Variants in SGK1 observed in about 807,000 individuals in gnomAD.
The protein encoded by SGK1 is serum/glucocorticoid regulated kinase 1.
A neutral mutation model predicts 64.2 loss-of-function variants in SGK1; 26 were observed. That is an observed-to-expected ratio of 0.40 (90% CI 0.30 to 0.56). The LOEUF (loss-of-function observed/expected upper bound fraction) is 0.56. Ranked by LOEUF, SGK1 falls within the 20% of genes least tolerant of loss-of-function variation. The pLI, the probability that SGK1 is intolerant of heterozygous loss-of-function variation, is 0.38. For missense variants in SGK1, 519 were observed against 645.6 expected (o/e 0.80, Z 2.12); for synonymous variants, 265 against 239.7 (o/e 1.11, Z -0.98).
At chr6:134,179,573 G>T (rs1229633297) in intron 3 of SGK1, among the ~76,000 whole-genome samples, 1 of 148,942 alleles carries the variant, frequency 6.7e-6, no homozygotes, top group Non-Finnish European at 1.5e-5. Context: ...CAAGTCACTG[G>T]CAATGGTGGT....
intron 1 of SGK1, among the ~76,000 whole-genome samples, chr6:134,314,792 GTTT>G (rs61647029): frequency 8.6e-5 from 12 of 138,876 alleles, no homozygotes; most frequent in Non-Finnish European, 1.4e-4. Flanking sequence ...AGACCCTATG[GTTT>G]TTTTTTTTTT....
chr6:134,241,917 G>A (rs1337722553), intron 2 of SGK1, among the ~76,000 whole-genome samples: 1 of 152,068 alleles, frequency 6.6e-6, no homozygotes, highest in African/African-American at 2.4e-5. Context: ...ACCGTGCCCA[G>A]CCTTGTTTTA....
chr6:134,252,017 A>AC (rs376043465), intron 2 of SGK1, among the ~76,000 whole-genome samples: 12 of 152,188 alleles, frequency 7.9e-5, no homozygotes, highest in African/African-American at 2.9e-4. Context: ...TCTGTCTCCC[A>AC]AAGTGTTGCG....
At chr6:134,237,459 T>C (rs1776382757) in intron 2 of SGK1, among the ~76,000 whole-genome samples, 1 of 151,920 alleles carries the variant, frequency 6.6e-6, no homozygotes, top group Non-Finnish European at 1.5e-5. Context: ...GCAGATCACT[T>C]GAGGTCAGGA....
At chr6:134,182,729 G>A (rs965283503) in intron 3 of SGK1, among the ~76,000 whole-genome samples, 18 of 152,326 alleles carry the variant, frequency 1.2e-4, no homozygotes, top group Middle Eastern at 3.4e-3. Flanking sequence ...CTGGGCCAAG[G>A]CGAGGCCTAT....
chr6:134,184,243 A>G (rs531448987), intron 3 of SGK1, among the ~76,000 whole-genome samples: 1 of 152,224 alleles, frequency 6.6e-6, no homozygotes, highest in Admixed American at 6.5e-5. Context: ...TCACGCCTGT[A>G]ATATCAGAAC....
intron 1 of SGK1, among the ~76,000 whole-genome samples, chr6:134,313,096 A>T (rs1195243149): frequency 6.6e-6 from 1 of 152,206 alleles, no homozygotes; most frequent in Non-Finnish European, 1.5e-5. Flanking sequence ...TTAAATGTGT[A>T]ATGTACTTAA....
chr6:134,297,650 G>T (rs565730051), intron 1 of SGK1: 4 of 438,780 alleles, frequency 9.1e-6, no homozygotes, highest in African/African-American at 8.1e-5. Flanking sequence ...TTACAGGCGT[G>T]CACCACCACC....
At chr6:134,284,491 C>CTTTT (rs34917996) in intron 1 of SGK1, among the ~76,000 whole-genome samples, 62 of 143,114 alleles carry the variant, frequency 4.3e-4, no homozygotes, top group South Asian at 6.6e-4. Flanking sequence ...TTCTTTCTTT[C>CTTTT]TTTTTTTTTT....
chr6:134,180,737 G>A (rs1316042675), intron 3 of SGK1, among the ~76,000 whole-genome samples: 1 of 151,946 alleles, frequency 6.6e-6, no homozygotes, highest in Non-Finnish European at 1.5e-5. Flanking sequence ...TCCATACATG[G>A]TGGCACGCCT....
chr6:134,175,083 C>T (rs919773203), intron 3 of SGK1, among the ~76,000 whole-genome samples: 1 of 152,026 alleles, frequency 6.6e-6, no homozygotes, highest in South Asian at 2.1e-4. Context: ...GACGGCCTGG[C>T]GCAGGGCCGT....
At position 134,297,835 on chromosome 6, in the gene SGK1, C is replaced by T. The variant is rs1049248618; in HGVS notation, c.69+19557G>A. On this transcript the variant is annotated intron_variant, in intron 1 of 13. Coordinates refer to ENST00000367858, the MANE Select transcript of SGK1 (RefSeq NM_001143676.3). ...GTCTTTGTATGCTGCAGGTCATCCC[C>T]GTGCTTCCCAGCCAGCATCTGCAGC... 6.0e-5 allele frequency: 43 copies of T among 718,206 alleles called. No individual in the cohort carries two copies. The African/African-American group carries it at 6.3e-4, about 10-fold the overall frequency. 44.5% of individuals were successfully genotyped at this position (718,206 alleles called of 1,614,324 possible). A position where few individuals can be genotyped will look rare whatever the true frequency, so the allele number is the denominator to read the frequency against.
chr6:134,219,760 CAAAA>C (rs55704631), intron 2 of SGK1, among the ~76,000 whole-genome samples: 1 of 122,434 alleles, frequency 8.2e-6, no homozygotes, highest in African/African-American at 3.6e-5. Context: ...AACTCTGTCT[CAAAA>C]AAAAAAAAAA....
At chr6:134,238,842 GA>G (rs1776401994) in intron 2 of SGK1, among the ~76,000 whole-genome samples, 1 of 152,180 alleles carries the variant, frequency 6.6e-6, no homozygotes, top group East Asian at 1.9e-4. Flanking sequence ...AAAGTATTAA[GA>G]AAGGAGATGC....
At chr6:134,179,737 A>G (rs1775303528) in intron 3 of SGK1, among the ~76,000 whole-genome samples, 1 of 152,222 alleles carries the variant, frequency 6.6e-6, no homozygotes, top group Non-Finnish European at 1.5e-5. Flanking sequence ...TAAAACCCAC[A>G]AAACTAATTA....
At chr6:134,177,011 C>A (rs568878428) in intron 3 of SGK1, among the ~76,000 whole-genome samples, 1 of 152,286 alleles carries the variant, frequency 6.6e-6, no homozygotes, top group African/African-American at 2.4e-5. Context: ...GTCAAGAGAT[C>A]GAGACCATCC....
rs953155871 is a variant in SGK1, at chr6:134,173,188, T to G, written c.703-34A>C. The G allele has an allele frequency of 6.8e-6, 11 of 1,610,232 alleles. No individual in the cohort carries two copies. In the African/African-American group the frequency reaches 1.5e-4, roughly 22 times the overall value. The stretch of plus-strand genomic sequence containing the variant: ...ATGACGATTCAGATTTAGTGGCATG[T>G]TTCAACTTGGCACCAACATTCCAGA... On this transcript the variant is annotated intron_variant, in intron 7 of 13. Transcript: ENST00000367858.
chr6:134,267,903 G>C (rs1041798850), intron 1 of SGK1, among the ~76,000 whole-genome samples: 5 of 152,180 alleles, frequency 3.3e-5, no homozygotes, highest in Non-Finnish European at 7.3e-5. Context: ...AAAAGGTTTT[G>C]TCTCCATTGG....
At chr6:134,295,467 G>A (rs899451135) in intron 1 of SGK1, among the ~76,000 whole-genome samples, 10 of 152,152 alleles carry the variant, frequency 6.6e-5, no homozygotes, top group African/African-American at 9.7e-5. Flanking sequence ...ACTTTGGGAC[G>A]CCAAGGCAGG....
Sources: allele counts gnomAD v4.1 joint callset (sites outside exome capture counted in the v4.1 genomes callset), GRCh38; gene constraint gnomAD v4.1.1; transcripts MANE v1.5; gene names NCBI Gene and HGNC (gene_info 2026-07-23, HGNC 2026-07-21).